AFDN: variants seen among roughly 807,000 people sequenced by gnomAD.
AFDN encodes the protein afadin, adherens junction formation factor.
A neutral mutation model predicts 216.6 loss-of-function variants in AFDN; 68 were observed. That is an observed-to-expected ratio of 0.31 (90% CI 0.26 to 0.38). The LOEUF (loss-of-function observed/expected upper bound fraction) is 0.38, where lower values mean the gene tolerates loss of function less well. AFDN is among the 10% of genes least tolerant of loss of function. AFDN has a pLI of 1.00. For synonymous variants in AFDN, 868 were observed against 853.7 expected (o/e 1.02, Z -0.29); for missense variants, 2,136 against 2,342.0 (o/e 0.91, Z 1.82).
chr6:167,875,037 T>G (rs908710911), intron 4 of AFDN, among the ~76,000 whole-genome samples: 18 of 152,216 alleles, frequency 1.2e-4, no homozygotes, highest in African/African-American at 4.3e-4. Flanking sequence ...CTGGTGGAAG[T>G]TACTGAAATG....
chr6:167,892,280 T>C (rs907989390), intron 8 of AFDN, among the ~76,000 whole-genome samples: 10 of 152,240 alleles, frequency 6.6e-5, no homozygotes, highest in Non-Finnish European at 1.3e-4. Context: ...TGAAGCTTTA[T>C]TATCTCACTG....
intron 1 of AFDN, chr6:167,864,345 G>T (rs758184177): frequency 1.3e-6 from 1 of 751,490 alleles, no homozygotes; most frequent in Non-Finnish European, 2.4e-6. Flanking sequence ...CGTGACACAG[G>T]TGAGGCAAAG....
At chr6:167,908,516 A>C (rs1790000398) in intron 13 of AFDN, among the ~76,000 whole-genome samples, 1 of 152,188 alleles carries the variant, frequency 6.6e-6, no homozygotes, top group African/African-American at 2.4e-5. Context: ...ATTGTAAGGA[A>C]TACCTCTATG....
intron 1 of AFDN, among the ~76,000 whole-genome samples, chr6:167,832,609 A>G (rs891498997): frequency 1.3e-5 from 2 of 152,258 alleles, no homozygotes; most frequent in Admixed American, 6.5e-5. Context: ...GGTGGTTCAA[A>G]TACAAGCAGG....
At chr6:167,966,201 G>A (rs1797544730) in intron 32 of AFDN, 156 bp downstream of exon 32, 5 of 1,533,990 alleles carry the variant, frequency 3.3e-6, no homozygotes, top group Non-Finnish European at 3.5e-6. Flanking sequence ...CAACAGTACT[G>A]CTCACAAAAA....
chr6:167,891,797 G>A (rs990158351), intron 8 of AFDN, among the ~76,000 whole-genome samples: 1 of 151,992 alleles, frequency 6.6e-6, no homozygotes, highest in Non-Finnish European at 1.5e-5. Context: ...ATTATTAAAT[G>A]CTATTATGTG....
intron 21 of AFDN, among the ~76,000 whole-genome samples, chr6:167,921,388 C>T (rs1984497): frequency 6.6e-6 from 1 of 152,230 alleles, no homozygotes. Context: ...GTACACGTAG[C>T]TTAGTACACA....
chr6:167,837,286 A>G (rs1031334829), intron 1 of AFDN, among the ~76,000 whole-genome samples: 17 of 152,318 alleles, frequency 1.1e-4, no homozygotes, highest in African/African-American at 3.1e-4. Flanking sequence ...CCATTATTCA[A>G]ATATGCTTAT....
chr6:167,840,576 T>C (rs1343042582), intron 1 of AFDN, among the ~76,000 whole-genome samples: 1 of 152,202 alleles, frequency 6.6e-6, no homozygotes, highest in East Asian at 1.9e-4. Context: ...AATGATATGT[T>C]ATTGTGAGAA....
chr6:167,966,828 A>G (rs1562357751), intron 32 of AFDN, among the ~76,000 whole-genome samples: 1 of 152,222 alleles, frequency 6.6e-6, no homozygotes, highest in African/African-American at 2.4e-5. Context: ...ACCTCCGTGC[A>G]GGCTGCCTCA....
rs888751459 is a variant in AFDN, at chr6:167,827,296, C to T, written c.105+59C>T. 22 of 749,808 alleles carry T rather than the reference C, an allele frequency of 2.9e-5. No homozygotes were observed. The East Asian group carries it at 7.9e-4, about 27-fold the overall frequency. 46.4% of individuals were successfully genotyped at this position (749,808 alleles called of 1,614,324 possible). A position where few individuals can be genotyped will look rare whatever the true frequency, so the allele number is the denominator to read the frequency against. On this transcript the variant is annotated intron_variant, in intron 1 of 33. Coordinates refer to ENST00000683244, the MANE Select transcript of AFDN (RefSeq NM_001386888.1). ...CCCGCCCGCTGCGCCGCGCCCCGCC[C>T]CTCCCCCCCGCCGCCGCCCGCCAGC...
At chr6:167,910,238 G>GA (rs1562654217) in intron 13 of AFDN, among the ~76,000 whole-genome samples, 1 of 152,166 alleles carries the variant, frequency 6.6e-6, no homozygotes, top group Non-Finnish European at 1.5e-5. Flanking sequence ...GTGCTCTGGT[G>GA]AACACACATA....
At chr6:167,919,461 A>T (rs1791514643) in intron 21 of AFDN, among the ~76,000 whole-genome samples, 1 of 152,136 alleles carries the variant, frequency 6.6e-6, no homozygotes, top group Non-Finnish European at 1.5e-5. Context: ...CAGCTAAGAG[A>T]TTCTTGGGAG....
intron 32 of AFDN, among the ~76,000 whole-genome samples, chr6:167,966,819 C>T (rs949039475): frequency 3.9e-5 from 6 of 152,182 alleles, no homozygotes; most frequent in Non-Finnish European, 7.4e-5. Flanking sequence ...GGCTTCATGA[C>T]CTCCGTGCAG....
intron 1 of AFDN, among the ~76,000 whole-genome samples, chr6:167,855,635 G>C (rs1004461847): frequency 3.9e-5 from 6 of 152,090 alleles, no homozygotes; most frequent in Admixed American, 1.3e-4. Context: ...TAGACAGTAG[G>C]AAGATAGCTT....
rs1334763428 is a variant in AFDN at position 167,951,456 on chromosome 6, C to T, written c.4102C>T (p.Arg1368Ter). 1.2e-6 allele frequency: 2 copies of T among 1,614,018 alleles called. No homozygotes were observed. Among genetic ancestry groups the T allele is most frequent in the South Asian group, 1.1e-5 (1 of 91,080 alleles). Residue 1368 changes from arginine to a stop codon, truncating the protein, a stop_gained, in exon 30 of 34, where the codon CGA (arginine) becomes TGA (stop). Coordinates refer to ENST00000683244, the MANE Select transcript of AFDN (RefSeq NM_001386888.1). LOFTEE classifies it high-confidence loss of function. The surrounding 1 kb of genome is among the most constrained non-coding windows in gnomAD (Gnocchi z 7.1). ...CCCTGTGGCCGTCTCCCAGCCAATC[C>T]GAACAGACCTGCCTCCGCCACCCCC... ...ATPVAVSQPI[R>*]TDLPPPPPPP...
intron 1 of AFDN, among the ~76,000 whole-genome samples, chr6:167,856,017 A>C (rs1167955266): frequency 6.6e-6 from 1 of 152,170 alleles, no homozygotes; most frequent in Non-Finnish European, 1.5e-5. Flanking sequence ...GACAGTTTAA[A>C]TAGTGATGAA....
At chr6:167,959,599 C>A (rs1442504482) in intron 30 of AFDN, among the ~76,000 whole-genome samples, 1 of 151,956 alleles carries the variant, frequency 6.6e-6, no homozygotes, top group Non-Finnish European at 1.5e-5. Flanking sequence ...GTCGTGTTTT[C>A]AGTAATTTGT....
At chr6:167,915,561 TAATG>T in intron 19 of AFDN, 128 bp downstream of exon 19, 1 of 1,102,494 alleles carries the variant, frequency 9.1e-7, no homozygotes. Context: ...TATGTACAAA[TAATG>T]AAGTAGTGCT....
Sources: allele counts gnomAD v4.1 joint callset (sites outside exome capture counted in the v4.1 genomes callset), GRCh38; gene constraint gnomAD v4.1.1; non-coding constraint Gnocchi (gnomAD v3.1); transcripts MANE v1.5; gene names NCBI Gene and HGNC (gene_info 2026-07-23, HGNC 2026-07-21).